ZC3H18: variants seen among roughly 807,000 people sequenced by gnomAD.
The protein encoded by ZC3H18 is zinc finger CCCH domain-containing protein 18.
ZC3H18 carries 8 observed loss-of-function variants against 106.1 expected under a neutral mutation model. The ratio of observed to expected loss-of-function variants is 0.08; its 90% CI spans 0.04 to 0.14. The LOEUF (loss-of-function observed/expected upper bound fraction) is 0.14, where lower values mean the gene tolerates loss of function less well. ZC3H18 is among the 10% of genes least tolerant of loss of function. The pLI is 1.00. For missense variants in ZC3H18, 1,318 were observed against 1,278.4 expected, an observed-to-expected ratio of 1.03 and a Z score of -0.47; for synonymous variants, 635 against 522.1, an observed-to-expected ratio of 1.22 and a Z score of -2.95.
chr16:88,598,053 T>G, intron 3 of ZC3H18, 125 bp from the exon 4 acceptor site: 26 of 654,678 alleles, frequency 4.0e-5, no homozygotes, highest in Non-Finnish European at 5.3e-5. Context: ...TTCCCACTAC[T>G]GTGTGGCTCG....
intron 2 of ZC3H18, among the ~76,000 whole-genome samples, chr16:88,583,043 C>G (rs988384778): frequency 2.0e-5 from 3 of 152,260 alleles, no homozygotes; most frequent in East Asian, 1.9e-4. Context: ...GCCCAGGATT[C>G]AGGAGGTTGT....
intron 2 of ZC3H18, 108 bp downstream of exon 2, chr16:88,577,834 C>G: frequency 5.7e-6 from 9 of 1,575,612 alleles, no homozygotes; most frequent in Non-Finnish European, 7.7e-6. Context: ...TGATTTGTTA[C>G]TAGGGATGGT....
chr16:88,630,988 G>C, intron 17 of ZC3H18, 113 bp from the exon 18 acceptor site: 1 of 1,356,152 alleles, frequency 7.4e-7, no homozygotes. Context: ...GGAGCCCCTT[G>C]CCTGTCCTGG....
chr16:88,574,313 G>T (rs187698415), intron 1 of ZC3H18, among the ~76,000 whole-genome samples: 2 of 151,980 alleles, frequency 1.3e-5, no homozygotes, highest in Non-Finnish European at 2.9e-5. Context: ...AGGTTCAAGC[G>T]ATTCTCTCGT....
intron 8 of ZC3H18, 139 bp from the exon 9 acceptor site, chr16:88,622,058 C>T: frequency 9.6e-7 from 1 of 1,038,276 alleles, no homozygotes; most frequent in African/African-American, 1.6e-5. Flanking sequence ...GCCTTTTTTC[C>T]CCTTAGGACC....
At chr16:88,605,929 G>T (rs909168771) in intron 6 of ZC3H18, among the ~76,000 whole-genome samples, 1 of 152,226 alleles carries the variant, frequency 6.6e-6, no homozygotes, top group Non-Finnish European at 1.5e-5. Flanking sequence ...TCCACTCCAC[G>T]TGCCAGTGCT....
At chr16:88,630,749 A>ACCCCC (rs1277102238) in intron 17 of ZC3H18, among the ~76,000 whole-genome samples, 168 bp downstream of exon 17, 6 of 43,172 alleles carry the variant, frequency 1.4e-4, no homozygotes, top group Admixed American at 2.3e-4. Context: ...TTGCAGCCCC[A>ACCCCC]CCCCCCACCC....
At chr16:88,612,158 T>A (rs1438333601) in intron 8 of ZC3H18, among the ~76,000 whole-genome samples, 2 of 152,202 alleles carry the variant, frequency 1.3e-5, no homozygotes, top group Non-Finnish European at 2.9e-5. Flanking sequence ...AGCCCTTTTT[T>A]TCTCTCAAAT....
chr16:88,608,786 A>G (rs9932692), intron 6 of ZC3H18, 148 bp from the exon 7 acceptor site: 524,556 of 581,752 alleles, frequency 0.9, 237,392 homozygotes, highest in Admixed American at 0.94. Context: ...GTTTGTGAAC[A>G]GATTTCCTAA....
intron 8 of ZC3H18, among the ~76,000 whole-genome samples, chr16:88,614,797 C>G (rs1052237917): frequency 5.9e-5 from 9 of 152,250 alleles, no homozygotes; most frequent in African/African-American, 2.2e-4. Context: ...CCTTCCCCTA[C>G]AGCACACACA....
chr16:88,575,081 G>A (rs1254249348), intron 1 of ZC3H18, among the ~76,000 whole-genome samples: 1 of 148,852 alleles, frequency 6.7e-6, no homozygotes, highest in Non-Finnish European at 1.5e-5. Flanking sequence ...CACCCGCCTC[G>A]GCCTCCCAAA....
At chr16:88,603,625 T>TC (rs1334358306) in intron 6 of ZC3H18, among the ~76,000 whole-genome samples, 25 of 40,950 alleles carry the variant, frequency 6.1e-4, no homozygotes, top group Non-Finnish European at 4.2e-4. Flanking sequence ...CTCCGTCTCT[T>TC]TTTTTTTTTT....
At chr16:88,571,153 GC>G (rs1914382248) in intron 1 of ZC3H18, among the ~76,000 whole-genome samples, 1 of 152,328 alleles carries the variant, frequency 6.6e-6, no homozygotes, top group South Asian at 2.1e-4. Flanking sequence ...ACCAACTGCA[GC>G]TATAATGCTG....
chr16:88,595,189 T>A (rs546155909), intron 3 of ZC3H18, among the ~76,000 whole-genome samples: 14 of 152,272 alleles, frequency 9.2e-5, no homozygotes, highest in African/African-American at 3.1e-4. Context: ...AACCAGTTGC[T>A]GCTGTGCCGA....
intron 3 of ZC3H18, among the ~76,000 whole-genome samples, chr16:88,591,808 G>A (rs992569058): frequency 4.6e-5 from 7 of 152,224 alleles, no homozygotes; most frequent in African/African-American, 1.7e-4. Context: ...TTGTGGAACT[G>A]CTGGCAGCGG....
At chr16:88,620,521 CA>C (rs993867329) in intron 8 of ZC3H18, among the ~76,000 whole-genome samples, 4 of 150,434 alleles carry the variant, frequency 2.7e-5, no homozygotes, top group Non-Finnish European at 5.9e-5. Context: ...CTCAAGGCTG[CA>C]GTGATTATGC....
chr16:88,573,351 CAA>C, intron 1 of ZC3H18, among the ~76,000 whole-genome samples: 1 of 152,096 alleles, frequency 6.6e-6, no homozygotes, highest in African/African-American at 2.4e-5. Context: ...GATAGCTAGG[CAA>C]GAGAGAGAAT....
At chr16:88,610,294 A>G (rs1567591648) in intron 7 of ZC3H18, among the ~76,000 whole-genome samples, 1 of 152,192 alleles carries the variant, frequency 6.6e-6, no homozygotes, top group African/African-American at 2.4e-5. Flanking sequence ...AGGGACAGTC[A>G]TGAGCTTTGA....
chr16:88,595,477 T>TC (rs1465319492), intron 3 of ZC3H18, among the ~76,000 whole-genome samples: 2,169 of 147,288 alleles, frequency 0.015, 27 homozygotes, highest in African/African-American at 0.025. Flanking sequence ...TTTCTTTCTT[T>TC]TTTTTTTTTT....
Sources: allele counts gnomAD v4.1 joint callset (sites outside exome capture counted in the v4.1 genomes callset), GRCh38; gene constraint gnomAD v4.1.1; transcripts MANE v1.5; gene names NCBI Gene and HGNC (gene_info 2026-07-23, HGNC 2026-07-21).